The following CUX1 variants were observed in gnomAD, a reference collection of about 807,000 sequenced individuals.
The protein encoded by CUX1 is protein CASP.
Under a neutral mutation model 158.8 loss-of-function variants are expected in CUX1, and 31 were observed. The ratio of observed to expected loss-of-function variants is 0.20; its 90% CI spans 0.15 to 0.26. The LOEUF is 0.26. CUX1 is among the 10% of genes least tolerant of loss of function. The probability of loss-of-function intolerance (pLI) is 1.00; values close to 1 mark genes in which losing one functional copy is unlikely to be tolerated. For missense variants in CUX1, 1,589 were observed against 2,014.6 expected, an observed-to-expected ratio of 0.79 and a Z score of 4.04; for synonymous variants, 879 against 862.1, an observed-to-expected ratio of 1.02 and a Z score of -0.34.
intron 3 of CUX1, among the ~76,000 whole-genome samples, chr7:102,037,168 C>CT (rs1000775651): frequency 2.7e-5 from 4 of 150,262 alleles, no homozygotes; most frequent in African/African-American, 9.8e-5. Flanking sequence ...GCACTACAGC[C>CT]TGGCTGACAG....
chr7:102,204,383 C>CA lies in CUX1; in HGVS notation c.2908-7dup, dbSNP rs782564813. On this transcript the variant is annotated splice_region_variant and splice_polypyrimidine_tract_variant and intron_variant, in intron 18 of 23. Transcript: ENST00000292535. ...CACTGATGGCCTGTGTGTTCGGTGC[C>CA]ACTCCAGGTGCTGGGCCTGTCCCAG... 6 of 1,612,936 alleles carry CA rather than the reference C, an allele frequency of 3.7e-6. No homozygotes were observed. The African/African-American group carries it at 8.0e-5, about 22-fold the overall frequency.
intron 5 of CUX1, among the ~76,000 whole-genome samples, chr7:102,103,813 T>C (rs571933888): frequency 1.1e-4 from 16 of 152,170 alleles, no homozygotes; most frequent in Non-Finnish European, 1.9e-4. Flanking sequence ...ATTTATAGGC[T>C]ACATGAGACG....
Position 102,254,455 on chromosome 7 carries a change from A to G in CUX1, c.*5413A>G. The G allele has an allele frequency of 1.0e-6, 1 of 985,530 alleles. No homozygotes were observed. Among genetic ancestry groups the G allele is most frequent in the Non-Finnish European group, 1.2e-6 (1 of 829,982 alleles). 61.0% of individuals were successfully genotyped at this position (985,530 alleles called of 1,614,324 possible). A position where few individuals can be genotyped will look rare whatever the true frequency, so the allele number is the denominator to read the frequency against. On this transcript the variant is annotated 3_prime_UTR_variant, in exon 24 of 24. Transcript: ENST00000292535. ...CCTCCAGCCTACACGCCCCGTCCAC[A>G]GTGGCATCACCCTCTTATCCCAAAA...
At chr7:101,994,619 A>G (rs1034416902) in intron 2 of CUX1, among the ~76,000 whole-genome samples, 1 of 152,190 alleles carries the variant, frequency 6.6e-6, no homozygotes, top group African/African-American at 2.4e-5. Context: ...GCAACAAAAA[A>G]GGAAATATGA....
intron 8 of CUX1, among the ~76,000 whole-genome samples, chr7:102,135,450 G>C (rs782358280): frequency 2.6e-5 from 4 of 151,976 alleles, no homozygotes; most frequent in African/African-American, 9.7e-5. Context: ...GGAGGAGGAC[G>C]TGGAGGAGGT....
intron 1 of CUX1, among the ~76,000 whole-genome samples, chr7:101,847,014 G>A (rs1001927916): frequency 2.0e-5 from 3 of 152,180 alleles, no homozygotes; most frequent in East Asian, 1.9e-4. Context: ...ATGGTGGCAC[G>A]CACCTGTAAG....
chr7:101,902,057 C>T (rs934161237), intron 1 of CUX1, among the ~76,000 whole-genome samples: 5 of 152,162 alleles, frequency 3.3e-5, no homozygotes, highest in Admixed American at 6.5e-5. Context: ...TCAGCCACAA[C>T]GGTTTCCCTG....
intron 10 of CUX1, among the ~76,000 whole-genome samples, chr7:102,173,828 C>T (rs1273150250): frequency 6.6e-6 from 1 of 152,112 alleles, no homozygotes; most frequent in East Asian, 1.9e-4. Context: ...GTTCAGTCTC[C>T]CCAGAGCAGC....
chr7:102,280,878 C>T lies in CUX1; in HGVS notation c.1821+18C>T, dbSNP rs373713571. ...TCAGCATGGTGAGTCCCTGCCCCTACCCACCCCCTCCCTGGACAGGCCTGA... is the reference window on the plus strand; with the variant it reads ...TCAGCATGGTGAGTCCCTGCCCCTATCCACCCCCTCCCTGGACAGGCCTGA... On this transcript the variant is annotated intron_variant, in intron 20 of 22. Transcript: ENST00000292538. The T allele has an allele frequency of 8.8e-6, 14 of 1,598,866 alleles. No homozygotes were observed. In the African/African-American group the frequency reaches 1.2e-4, roughly 14 times the overall value.
At chr7:102,139,781 G>A (rs976845928) in intron 8 of CUX1, among the ~76,000 whole-genome samples, 5 of 151,850 alleles carry the variant, frequency 3.3e-5, no homozygotes, top group Non-Finnish European at 7.4e-5. Context: ...CCCCTTAAGT[G>A]GCTGGTTCTA....
intron 19 of CUX1, chr7:102,280,251 G>T: frequency 1.6e-6 from 1 of 621,900 alleles, no homozygotes; most frequent in Non-Finnish European, 2.8e-6. Flanking sequence ...GCCCTTGTCT[G>T]GGTGCTCTCG....
chr7:102,080,488 C>G (rs1827257167), intron 4 of CUX1, among the ~76,000 whole-genome samples: 1 of 152,144 alleles, frequency 6.6e-6, no homozygotes. Flanking sequence ...GTGATGTCAT[C>G]GCGGGGACGG....
At chr7:102,233,977 C>A in intron 21 of CUX1, 75 bp from the exon 22 acceptor site, 2 of 1,242,774 alleles carry the variant, frequency 1.6e-6, no homozygotes, top group Non-Finnish European at 2.1e-6. Context: ...CTGATTTTAA[C>A]CTTGACACGT....
In CUX1 at chr7:102,090,306, A is replaced by G. The variant is rs182840313; in HGVS notation, c.269-7058A>G. 2.3e-3 allele frequency among the ~76,000 whole-genome samples: 350 copies of G among 151,582 alleles called. 2 individuals carry two copies. The highest frequency in any genetic ancestry group is 8.1e-3 in the African/African-American group (337 of 41,354). On this transcript the variant is annotated intron_variant, in intron 4 of 23. Transcript: ENST00000292535. ...TTTGAATTAGGGATATTCAGCTTGT[A>G]CTAATTATGAGAAGGTATTTGTTGA...
chr7:101,962,848 G>A (rs1484543232), intron 2 of CUX1, among the ~76,000 whole-genome samples: 1 of 151,970 alleles, frequency 6.6e-6, no homozygotes, highest in Non-Finnish European at 1.5e-5. Context: ...AGCCTCCTGA[G>A]TAGCTGGGAC....
intron 8 of CUX1, among the ~76,000 whole-genome samples, chr7:102,117,043 G>A (rs1831506443): frequency 6.6e-6 from 1 of 152,118 alleles, no homozygotes. Flanking sequence ...GGGCGCTGAC[G>A]GTCAGCAGGT....
chr7:102,275,590 G>A (rs1046470066), intron 17 of CUX1, among the ~76,000 whole-genome samples: 26 of 152,188 alleles, frequency 1.7e-4, no homozygotes, highest in Admixed American at 1.3e-4. Flanking sequence ...CCAGAAGGGA[G>A]CATAGATCAT....
At chr7:101,837,451 A>G (rs1467781427) in intron 1 of CUX1, among the ~76,000 whole-genome samples, 2 of 152,136 alleles carry the variant, frequency 1.3e-5, no homozygotes, top group African/African-American at 4.8e-5. Flanking sequence ...TCCTCTGTGG[A>G]TAGAAACGAG....
intron 4 of CUX1, among the ~76,000 whole-genome samples, chr7:102,078,181 TC>T (rs1251472883): frequency 1.3e-5 from 2 of 152,134 alleles, no homozygotes; most frequent in African/African-American, 4.8e-5. Flanking sequence ...GCTCAAGTGA[TC>T]CCCCTGCCTC....
Sources: gnomAD v4.1 joint callset for allele counts (sites outside exome capture counted in the v4.1 genomes callset) on GRCh38, gnomAD v4.1.1 for gene constraint, MANE v1.5 for transcripts, NCBI Gene and HGNC (gene_info 2026-07-23, HGNC 2026-07-21) for gene names.